Variants in ERCC5 observed in about 807,000 individuals in gnomAD.
ERCC5 encodes DNA excision repair protein ERCC-5.
Under a neutral mutation model 105.6 loss-of-function variants are expected in ERCC5, and 68 were observed. The ratio of observed to expected loss-of-function variants is 0.64; its 90% CI spans 0.53 to 0.79. ERCC5 has a LOEUF of 0.79. Among genes scored for constraint, ERCC5 ranks in the 30% least tolerant of loss-of-function variants. The pLI is 0.00. For synonymous variants in ERCC5, 546 were observed against 526.2 expected (o/e 1.04, Z -0.51); for missense variants, 1,373 against 1,426.7 (o/e 0.96, Z 0.61).
chr13:102,852,290 T>C lies in ERCC5; in HGVS notation c.261T>C (p.Thr87=). 1.2e-6 allele frequency: 2 copies of C among 1,614,100 alleles called. No homozygotes were observed. The highest frequency in any genetic ancestry group is 2.2e-5 in the South Asian group (2 of 91,052). The change falls in exon 2 of 15, where the codon ACT becomes ACC. Residue 87 remains threonine (T), a synonymous_variant. Transcript: ENST00000652225. The part of the protein sequence containing the change: ...DGDAPLLKKQ[T]LVKRRQRKDL... Reference sequence around the variant, plus strand: ...ATGCTCCACTATTGAAGAAACAGACTTTGGTAAGTGTCGTATAGTTTTTAG... The same window carrying C: ...ATGCTCCACTATTGAAGAAACAGACCTTGGTAAGTGTCGTATAGTTTTTAG...
At chr13:102,873,108 GT>G in intron 13 of ERCC5, 150 bp from the exon 14 acceptor site, 1 of 788,392 alleles carries the variant, frequency 1.3e-6, no homozygotes, top group Non-Finnish European at 2.0e-6. Flanking sequence ...CATTTATTTT[GT>G]TAGTACTTTC....
chr13:102,852,004 A>G lies in ERCC5; in HGVS notation c.89-114A>G. The G allele has an allele frequency of 3.3e-6, 4 of 1,220,384 alleles. No individual in the cohort carries two copies. In the South Asian group the frequency reaches 5.3e-5, roughly 16 times the overall value. The allele number at this position is 1,220,384 out of a possible 1,614,324, so 75.6% of individuals were successfully genotyped here. ...GCTAAATGTTTTTCAATTTTAAATG[A>G]ATAGTGATAAGTATTTAGTGTTCAA... On this transcript the variant is annotated intron_variant, in intron 1 of 14. Transcript: ENST00000652225.
At chr13:102,860,158 G>C (rs987887978) in intron 6 of ERCC5, among the ~76,000 whole-genome samples, 7 of 152,328 alleles carry the variant, frequency 4.6e-5, no homozygotes, top group African/African-American at 1.4e-4. Context: ...GCACAACAGT[G>C]CAAGAGTATG....
intron 11 of ERCC5, 31 bp downstream of exon 11, chr13:102,866,876 C>T: frequency 6.3e-7 from 1 of 1,576,028 alleles, no homozygotes; most frequent in Non-Finnish European, 8.6e-7. Flanking sequence ...TGATTACTTT[C>T]TGACATTTAC....
chr13:102,858,203 A>G (rs4150294), intron 5 of ERCC5, 72 bp from the exon 6 acceptor site: 8 of 1,595,432 alleles, frequency 5.0e-6, no homozygotes, highest in African/African-American at 4.0e-5. Context: ...AACATAATAC[A>G]TATCCTTAAT....
chr13:102,858,549 C>A (rs1333804195), intron 6 of ERCC5, 131 bp downstream of exon 6: 2 of 1,268,450 alleles, frequency 1.6e-6, no homozygotes, highest in Non-Finnish European at 2.2e-6. Flanking sequence ...ATTTCTACAT[C>A]TCAGATTCTA....
intron 8 of ERCC5, among the ~76,000 whole-genome samples, chr13:102,864,126 CCACACACA>C (rs10647676): frequency 4.8e-4 from 67 of 140,976 alleles, no homozygotes; most frequent in African/African-American, 1.3e-3. Flanking sequence ...AGAGAATCAA[CCACACACA>C]CACACACACA....
intron 5 of ERCC5, among the ~76,000 whole-genome samples, chr13:102,857,844 A>C (rs1882481316): frequency 6.6e-6 from 1 of 152,142 alleles, no homozygotes; most frequent in Non-Finnish European, 1.5e-5. Context: ...TTTATCTATC[A>C]AATAGATCTT....
chr13:102,847,341 T>C (rs1384589393), intron 1 of ERCC5, among the ~76,000 whole-genome samples: 1 of 150,148 alleles, frequency 6.7e-6, no homozygotes, highest in Non-Finnish European at 1.5e-5. Context: ...CAGAATCTGG[T>C]GATACCTTAC....
intron 5 of ERCC5, among the ~76,000 whole-genome samples, chr13:102,856,786 A>G (rs901214699): frequency 7.2e-5 from 11 of 152,244 alleles, no homozygotes; most frequent in African/African-American, 2.7e-4. Flanking sequence ...CCATGCGGCC[A>G]GCACCAGAGC....
rs1420073299 is a variant in ERCC5 at position 102,866,742 on chromosome 13, CA to C, written c.2431del (p.Ser811ValfsTer22). The C allele has an allele frequency of 3.1e-6, 5 of 1,614,134 alleles. No individual in the cohort carries two copies. The African/African-American group carries it at 6.7e-5, about 22-fold the overall frequency. On this transcript the variant is annotated frameshift_variant, in exon 11 of 15. Coordinates refer to ENST00000652225, the MANE Select transcript of ERCC5 (RefSeq NM_000123.4). LOFTEE classifies it high-confidence loss of function. Reference sequence around the variant, plus strand: ...AGACTTCCGGAACCATCACTGATGACAGTGATATCTGGCTGTTTGGAGCGCG... The same window carrying C: ...AGACTTCCGGAACCATCACTGATGACGTGATATCTGGCTGTTTGGAGCGCG... ...DQTSGTITDD[S>X]DIWLFGARHV...
At position 102,872,223 on chromosome 13, in the gene ERCC5, A is replaced by G. The variant is rs1883057551; in HGVS notation, c.2704A>G (p.Asn902Asp). ...AGAATGGTGGCATGAAGCTCAAAAA[A>G]ATCCAAAGATAAGACCTAATCCTCA... ...FSEWWHEAQKNPKIRPNPHDT... is the reference protein window; with the variant it reads ...FSEWWHEAQKDPKIRPNPHDT... The change falls in exon 13 of 15, where the codon AAT (asparagine) becomes GAT (aspartate). Residue 902 changes from asparagine (N) to aspartate (D), a missense_variant. Asn to Asp is a conservative substitution (Grantham distance 23). Transcript: ENST00000652225. 2 of 1,614,052 alleles carry G rather than the reference A, an allele frequency of 1.2e-6. No homozygotes were observed. Among genetic ancestry groups the G allele is most frequent in the Non-Finnish European group, 1.7e-6 (2 of 1,180,026 alleles).
chr13:102,848,946 G>A (rs1290680877), intron 1 of ERCC5, among the ~76,000 whole-genome samples: 1 of 152,116 alleles, frequency 6.6e-6, no homozygotes, highest in Non-Finnish European at 1.5e-5. Context: ...TAGGCCCATG[G>A]GGTTTAATAA....
intron 1 of ERCC5, among the ~76,000 whole-genome samples, chr13:102,851,794 A>C (rs1403384827): frequency 6.6e-6 from 1 of 151,984 alleles, no homozygotes; most frequent in Non-Finnish European, 1.5e-5. Context: ...TGTCCTCCAG[A>C]AAATTTGTGC....
At chr13:102,857,068 A>G (rs1022778167) in intron 5 of ERCC5, among the ~76,000 whole-genome samples, 8 of 152,250 alleles carry the variant, frequency 5.3e-5, no homozygotes, top group Non-Finnish European at 1.0e-4. Flanking sequence ...CTGTATATAT[A>G]CATTTTTTTC....
intron 1 of ERCC5, among the ~76,000 whole-genome samples, chr13:102,848,930 G>A (rs1344858904): frequency 6.6e-6 from 1 of 152,130 alleles, no homozygotes; most frequent in East Asian, 1.9e-4. Context: ...CTATGATTTA[G>A]AATTTTAGGC....
At chr13:102,850,824 G>A (rs539049521) in intron 1 of ERCC5, among the ~76,000 whole-genome samples, 46 of 152,262 alleles carry the variant, frequency 3.0e-4, no homozygotes, top group African/African-American at 1.0e-3. Context: ...GAGTCAGGGC[G>A]TGGTGTATGT....
intron 1 of ERCC5, chr13:102,849,579 AT>A (rs574862357): frequency 2.5e-4 from 84 of 337,586 alleles, no homozygotes; most frequent in South Asian, 3.8e-4. Flanking sequence ...ATGGACCTAC[AT>A]TTTTTTTTAT....
chr13:102,856,475 G>C (rs1882424796), intron 5 of ERCC5, among the ~76,000 whole-genome samples: 1 of 152,118 alleles, frequency 6.6e-6, no homozygotes, highest in African/African-American at 2.4e-5. Flanking sequence ...TTCTTTGCCT[G>C]CCCCATATAG....
Sources: allele counts gnomAD v4.1 joint callset (sites outside exome capture counted in the v4.1 genomes callset), GRCh38; gene constraint gnomAD v4.1.1; transcripts MANE v1.5; gene names NCBI Gene and HGNC (gene_info 2026-07-23, HGNC 2026-07-21).